TSPAN7: variants seen among roughly 807,000 people sequenced by gnomAD.
TSPAN7 encodes the protein tetraspanin-7.
In TSPAN7, 1 loss-of-function variant was observed where a neutral mutation model predicts 17.6. That is an observed-to-expected ratio of 0.06 (90% CI 0.02 to 0.27). The LOEUF is 0.27. TSPAN7 is among the 10% of genes least tolerant of loss of function. The pLI is 1.00. For missense variants in TSPAN7, 112 were observed against 201.7 expected (o/e 0.56, Z 2.69); for synonymous variants, 78 against 79.0 (o/e 0.99, Z 0.07).
chrX:38,632,301 A>G (rs1480820490), intron 1 of TSPAN7, among the ~76,000 whole-genome samples: 7 of 112,215 alleles, frequency 6.2e-5, no homozygotes, highest in Non-Finnish European at 1.3e-4. Flanking sequence ...TTTAGTTTGC[A>G]TAAAACTCTC....
intron 1 of TSPAN7, among the ~76,000 whole-genome samples, chrX:38,573,254 T>C (rs2069178414): frequency 9.0e-6 from 1 of 111,582 alleles, no homozygotes; most frequent in South Asian, 3.8e-4. Context: ...TTCAGGGTTT[T>C]ATAGTTTGCT....
intron 1 of TSPAN7, among the ~76,000 whole-genome samples, chrX:38,644,767 TTGAA>T (rs1395684212): frequency 8.9e-6 from 1 of 112,485 alleles, no homozygotes; most frequent in Non-Finnish European, 1.9e-5. Context: ...CTAACATTGA[TTGAA>T]TGCTTCTGAT....
intron 5 of TSPAN7, among the ~76,000 whole-genome samples, chrX:38,677,342 G>A (rs193259414): frequency 1.4e-3 from 158 of 112,599 alleles, no homozygotes; most frequent in African/African-American, 4.8e-3. Context: ...TGACACAGAT[G>A]TGATACATGT....
intron 1 of TSPAN7, among the ~76,000 whole-genome samples, chrX:38,596,505 G>C (rs893189342): frequency 6.3e-5 from 7 of 111,317 alleles, no homozygotes; most frequent in African/African-American, 2.3e-4. Context: ...TTAAACTGAA[G>C]TGCTTTTTAA....
At chrX:38,606,052 T>C (rs1158761615) in intron 1 of TSPAN7, among the ~76,000 whole-genome samples, 2 of 108,711 alleles carry the variant, frequency 1.8e-5, no homozygotes, top group Non-Finnish European at 1.9e-5. Flanking sequence ...AAAGCCAAAA[T>C]TGACAAAAGG....
chrX:38,681,297 A>G lies in TSPAN7; in HGVS notation c.681+10A>G. On this transcript the variant is annotated intron_variant, in intron 6 of 7. Transcript: ENST00000378482. ...AATCGCATTCTCCCAGGTAGCCTACATAATTGTGCAGAACCTGGTCTAACC... is the reference window on the plus strand; with the variant it reads ...AATCGCATTCTCCCAGGTAGCCTACGTAATTGTGCAGAACCTGGTCTAACC... 1 of 1,190,518 alleles carries G rather than the reference A, an allele frequency of 8.4e-7. No homozygotes were observed. Among genetic ancestry groups the G allele is most frequent in the Non-Finnish European group, 1.1e-6 (1 of 876,063 alleles).
At chrX:38,608,667 G>A (rs1168369328) in intron 1 of TSPAN7, among the ~76,000 whole-genome samples, 2 of 109,195 alleles carry the variant, frequency 1.8e-5, no homozygotes, top group Non-Finnish European at 3.8e-5. Context: ...TCATTTTATT[G>A]TGCCAGCCAT....
intron 1 of TSPAN7, among the ~76,000 whole-genome samples, chrX:38,602,657 C>T (rs979144668): frequency 8.9e-6 from 1 of 112,028 alleles, no homozygotes; most frequent in African/African-American, 3.2e-5. Context: ...ATTTTCTTTG[C>T]ACTTACATAA....
At chrX:38,572,700 G>A (rs1359907013) in intron 1 of TSPAN7, among the ~76,000 whole-genome samples, 1 of 111,169 alleles carries the variant, frequency 9.0e-6, no homozygotes, top group African/African-American at 3.3e-5. Context: ...ACTTCCCAAA[G>A]GTAGACCCCT....
intron 2 of TSPAN7, 70 bp downstream of exon 2, chrX:38,666,379 G>T (rs964446683): frequency 5.6e-5 from 61 of 1,081,050 alleles, no homozygotes; most frequent in Non-Finnish European, 7.5e-5. Flanking sequence ...ACATGGAGGT[G>T]AAGTGGTTCG....
intron 1 of TSPAN7, among the ~76,000 whole-genome samples, chrX:38,604,608 C>T (rs981756415): frequency 9.0e-6 from 1 of 111,398 alleles, no homozygotes; most frequent in Non-Finnish European, 1.9e-5. Context: ...ATTTGCATTT[C>T]TCTGATGGCC....
chrX:38,646,197 A>G, intron 1 of TSPAN7: 2 of 1,013,314 alleles, frequency 2.0e-6, no homozygotes, highest in East Asian at 6.8e-5. Flanking sequence ...TAATCTGGCA[A>G]AAAGTATAGA....
In TSPAN7 at chrX:38,638,006, A is replaced by G. The variant is rs7881558; in HGVS notation, c.82-28115A>G. Among the ~76,000 whole-genome samples, 354 of 110,901 alleles carry G rather than the reference A, an allele frequency of 3.2e-3. 3 individuals are homozygous for G. Among genetic ancestry groups the G allele is most frequent in the African/African-American group, 0.011 (344 of 30,342 alleles). ...CTGGAGCCACCAGAGAGCACCCTAT[A>G]GGCAGCCACCCATGATTGGCCTATT... is the stretch of plus-strand genomic sequence containing the variant. On this transcript the variant is annotated intron_variant, in intron 1 of 7. Transcript: ENST00000378482.
intron 1 of TSPAN7, among the ~76,000 whole-genome samples, chrX:38,594,528 C>G (rs2069308668): frequency 9.0e-6 from 1 of 111,308 alleles, no homozygotes; most frequent in Non-Finnish European, 1.9e-5. Context: ...GCTTTTTCAT[C>G]CCTTTCTCTA....
At chrX:38,586,836 G>A (rs1002918837) in intron 1 of TSPAN7, among the ~76,000 whole-genome samples, 1 of 112,052 alleles carries the variant, frequency 8.9e-6, no homozygotes, top group African/African-American at 3.2e-5. Context: ...CTTTAGCTAT[G>A]GAGGAAGGCA....
At chrX:38,570,239 T>C (rs1208305034) in intron 1 of TSPAN7, among the ~76,000 whole-genome samples, 2 of 112,128 alleles carry the variant, frequency 1.8e-5, no homozygotes, top group Admixed American at 1.9e-4. Flanking sequence ...TGGCTGTTTT[T>C]CTTTTACTAC....
In TSPAN7 at chrX:38,566,157, TTCTC is replaced by T. The variant is rs1395801056; in HGVS notation, c.81+4532_81+4535del. On this transcript the variant is annotated intron_variant, in intron 1 of 7. Coordinates refer to ENST00000378482, the MANE Select transcript of TSPAN7 (RefSeq NM_004615.4). ...ACACAATCACGTGAGAAGAAAAACATTCTCTATTGTGTACTATATAATTATTTGA... is the reference window on the plus strand; with the variant it reads ...ACACAATCACGTGAGAAGAAAAACATTATTGTGTACTATATAATTATTTGA... Among the ~76,000 whole-genome samples, 37 of 112,157 alleles carry T rather than the reference TTCTC, an allele frequency of 3.3e-4. 1 individual carries two copies. The highest frequency in any genetic ancestry group is 3.3e-3 in the Admixed American group (35 of 10,627).
At chrX:38,599,532 C>A (rs1001639379) in intron 1 of TSPAN7, among the ~76,000 whole-genome samples, 2 of 111,186 alleles carry the variant, frequency 1.8e-5, no homozygotes, top group African/African-American at 6.5e-5. Flanking sequence ...ATGGTGAATT[C>A]AAAGACAATA....
chrX:38,589,547 T>C (rs765057960), intron 1 of TSPAN7, among the ~76,000 whole-genome samples: 4 of 112,280 alleles, frequency 3.6e-5, no homozygotes, highest in South Asian at 3.7e-4. Flanking sequence ...TGCTTACCAA[T>C]ATGCCCATTA....
Sources: allele counts gnomAD v4.1 joint callset (sites outside exome capture counted in the v4.1 genomes callset), GRCh38; gene constraint gnomAD v4.1.1; transcripts MANE v1.5; gene names NCBI Gene and HGNC (gene_info 2026-07-23, HGNC 2026-07-21).